The following DICER1 variants were observed in gnomAD, a reference collection of about 807,000 sequenced individuals.
The protein encoded by DICER1 is dicer 1, ribonuclease III, also known as endoribonuclease Dicer.
Under a neutral mutation model 194.1 loss-of-function variants are expected in DICER1, and 43 were observed. The ratio of observed to expected loss-of-function variants is 0.22; its 90% CI spans 0.17 to 0.29. DICER1 has a LOEUF of 0.29. Among genes scored for constraint, DICER1 ranks in the 10% least tolerant of loss-of-function variants. The pLI is 1.00. For synonymous variants in DICER1, 832 were observed against 820.5 expected, an observed-to-expected ratio of 1.01 and a Z score of -0.24; for missense variants, 1,608 against 2,317.0, an observed-to-expected ratio of 0.69 and a Z score of 6.28.
intron 11 of DICER1, 38 bp downstream of exon 11, chr14:95,115,629 A>G: frequency 1.2e-6 from 2 of 1,612,352 alleles, no homozygotes; most frequent in Non-Finnish European, 1.7e-6. Context: ...ACTGTGCAAC[A>G]TTCCCAGGTT....
intron 22 of DICER1, among the ~76,000 whole-genome samples, chr14:95,097,863 C>T (rs1280483027): frequency 1.3e-5 from 2 of 152,124 alleles, no homozygotes; most frequent in East Asian, 3.9e-4. Context: ...GAAAGAAACA[C>T]CTTTTCAAGA....
At chr14:95,112,774 T>G (rs1892090280) in intron 12 of DICER1, among the ~76,000 whole-genome samples, 1 of 152,224 alleles carries the variant, frequency 6.6e-6, no homozygotes, top group Admixed American at 6.5e-5. Context: ...AGTTGAATGA[T>G]TCTGTCAAAA....
In DICER1 at chr14:95,105,250, CAAGT is replaced by C. The variant is rs770904411; in HGVS notation, c.3094-8_3094-5del. On this transcript the variant is annotated splice_polypyrimidine_tract_variant and splice_region_variant and intron_variant, in intron 19 of 26. Transcript: ENST00000343455. This position sits in a 1 kb window ranked among gnomAD's most constrained non-coding sequence, Gnocchi z 4.9. ...CACAGAGTTCTGGAACCAGTATCTT[CAAGT>C]AAGGGGAAAAATGGACAGATAAATA... The C allele has an allele frequency of 6.0e-5, 97 of 1,609,792 alleles. No individual in the cohort carries two copies. The highest frequency in any genetic ancestry group is 3.3e-4 in the Middle Eastern group (2 of 6,072).
chr14:95,091,013 C>T (rs2139772277), intron 26 of DICER1, 21 bp downstream of exon 26: 1 of 1,602,450 alleles, frequency 6.2e-7, no homozygotes. Context: ...AATGTTTTTT[C>T]CATGTACATT....
At chr14:95,094,962 A>G (rs1408559541) in intron 23 of DICER1, among the ~76,000 whole-genome samples, 2 of 152,228 alleles carry the variant, frequency 1.3e-5, no homozygotes, top group Non-Finnish European at 2.9e-5. Flanking sequence ...TTCCAGCAGA[A>G]TGTAGTCGAA....
chr14:95,100,122 C>T lies in DICER1; in HGVS notation c.4051-187G>A, dbSNP rs1890747060. On this transcript the variant is annotated intron_variant, in intron 21 of 26. Transcript: ENST00000343455. ...TTATAAAAAGAATATTAAATTCCCA[C>T]ATATTCTATGCTTTTTTGGTGTAAA... 2.0e-5 allele frequency among the ~76,000 whole-genome samples: 3 copies of T among 151,788 alleles called. No homozygotes were observed. The South Asian group carries it at 6.2e-4, about 31-fold the overall frequency.
chr14:95,112,487 T>C (rs1317671984), intron 12 of DICER1, among the ~76,000 whole-genome samples: 2 of 152,218 alleles, frequency 1.3e-5, no homozygotes. Flanking sequence ...ACAATTTTGA[T>C]GAATTTAAAT....
At chr14:95,091,445 A>G in intron 24 of DICER1, 80 bp from the exon 25 acceptor site, 1 of 1,344,222 alleles carries the variant, frequency 7.4e-7, no homozygotes. Context: ...CTTTTCTTGG[A>G]TATATGACTT....
chr14:95,148,325 A>G (rs1371288627), intron 1 of DICER1, among the ~76,000 whole-genome samples: 1 of 152,128 alleles, frequency 6.6e-6, no homozygotes, highest in African/African-American at 2.4e-5. Context: ...TCTTCCCAGT[A>G]ACCAGCCCCC....
At chr14:95,093,836 A>G in intron 24 of DICER1, 52 bp downstream of exon 24, 2 of 1,591,858 alleles carry the variant, frequency 1.3e-6, no homozygotes, top group Non-Finnish European at 1.7e-6. Context: ...CTGAAACTAC[A>G]GAGACTCCTA....
intron 23 of DICER1, among the ~76,000 whole-genome samples, chr14:95,094,937 C>T (rs1890174047): frequency 6.6e-6 from 1 of 152,164 alleles, no homozygotes; most frequent in African/African-American, 2.4e-5. Flanking sequence ...TAGGCGAGAA[C>T]CCAGGTCTCG....
intron 1 of DICER1, among the ~76,000 whole-genome samples, chr14:95,146,577 A>G (rs1241419115): frequency 1.3e-5 from 2 of 152,174 alleles, no homozygotes; most frequent in Non-Finnish European, 2.9e-5. Context: ...TTCAGTTGTC[A>G]GCATATCCTC....
chr14:95,131,129 A>T (rs537389555), intron 4 of DICER1, among the ~76,000 whole-genome samples: 1 of 152,216 alleles, frequency 6.6e-6, no homozygotes, highest in African/African-American at 2.4e-5. Context: ...TTCTGGATTC[A>T]AGCAATTCTC....
At position 95,099,896 on chromosome 14, in the gene DICER1, CCTT is replaced by C. The variant is rs1595353702; in HGVS notation, c.4087_4089del (p.Lys1363del). The C allele has an allele frequency of 6.2e-7, 1 of 1,613,988 alleles. No individual in the cohort carries two copies. The highest frequency in any genetic ancestry group is 1.3e-5 in the African/African-American group (1 of 75,002). ...GACACCACCATGCGGCTGGGTAGTC[CCTT>C]CTTTTTTCCAAGGCGATACAGATTA... On this transcript the variant is annotated inframe_deletion, in exon 22 of 27. Coordinates refer to ENST00000343455, the MANE Select transcript of DICER1 (RefSeq NM_177438.3).
intron 1 of DICER1, 122 bp from the exon 2 acceptor site, chr14:95,133,625 GT>G: frequency 1.3e-6 from 1 of 772,458 alleles, no homozygotes; most frequent in Non-Finnish European, 2.1e-6. Context: ...TCCTATAATT[GT>G]TTTAGCTTTT....
At chr14:95,093,253 A>G (rs1256908845) in intron 24 of DICER1, among the ~76,000 whole-genome samples, 1 of 152,248 alleles carries the variant, frequency 6.6e-6, no homozygotes, top group Admixed American at 6.5e-5. Context: ...TGGGGGACAC[A>G]GGTATGCAGA....
intron 13 of DICER1, among the ~76,000 whole-genome samples, 191 bp from the exon 14 acceptor site, chr14:95,111,647 TA>T (rs1242345667): frequency 6.6e-6 from 1 of 152,150 alleles, no homozygotes; most frequent in Non-Finnish European, 1.5e-5. Context: ...TATATTCCAA[TA>T]TGAGCTGGAC....
At chr14:95,092,964 G>A (rs1030084392) in intron 24 of DICER1, among the ~76,000 whole-genome samples, 14 of 152,188 alleles carry the variant, frequency 9.2e-5, no homozygotes, top group African/African-American at 3.4e-4. Flanking sequence ...TAAGAGCAGG[G>A]CCTACTGACT....
chr14:95,140,233 C>A (rs1322346203), intron 1 of DICER1, among the ~76,000 whole-genome samples: 2 of 152,176 alleles, frequency 1.3e-5, no homozygotes, highest in African/African-American at 4.8e-5. Flanking sequence ...ATATTATGCA[C>A]TTAGAAATAC....
Sources: gnomAD v4.1 joint callset for allele counts (sites outside exome capture counted in the v4.1 genomes callset) on GRCh38, gnomAD v4.1.1 for gene constraint, Gnocchi (gnomAD v3.1) non-coding constraint, MANE v1.5 for transcripts, NCBI Gene and HGNC (gene_info 2026-07-23, HGNC 2026-07-21) for gene names.